The following NBAS variants were observed in gnomAD, a reference collection of about 807,000 sequenced individuals.
The protein encoded by NBAS is NAG/BC035112 fusion.
A neutral mutation model predicts 302.5 loss-of-function variants in NBAS; 219 were observed. That is an observed-to-expected ratio of 0.72 (90% CI 0.65 to 0.81). The LOEUF (loss-of-function observed/expected upper bound fraction) is 0.81, where lower values mean the gene tolerates loss of function less well. Ranked by LOEUF, NBAS falls within the 30% of genes least tolerant of loss-of-function variation. The pLI is 0.00. For synonymous variants in NBAS, 1,118 were observed against 1,021.6 expected (o/e 1.09, Z -1.80); for missense variants, 2,932 against 2,841.6 (o/e 1.03, Z -0.72).
rs545778141 is a variant in NBAS at position 15,425,779 on chromosome 2, C to T, written c.2424-1311G>A. Among the ~76,000 whole-genome samples, 6 of 152,304 alleles carry T rather than the reference C, an allele frequency of 3.9e-5. No homozygotes were observed. In the South Asian group the frequency reaches 8.3e-4, roughly 21 times the overall value. ...TGCAAGAAAAAGGGGCCAACAGTAA[C>T]GCTGAGTTCCTCTGATACCTCCTTC... On this transcript the variant is annotated intron_variant, in intron 22 of 51. Coordinates refer to ENST00000281513, the MANE Select transcript of NBAS (RefSeq NM_015909.4).
At chr2:15,403,367 G>A (rs978726065) in intron 25 of NBAS, among the ~76,000 whole-genome samples, 2 of 152,120 alleles carry the variant, frequency 1.3e-5, no homozygotes, top group Admixed American at 6.5e-5. Context: ...GGTAGAGTTG[G>A]CCCTCCATAC....
At chr2:15,338,589 T>C (rs982851310) in intron 35 of NBAS, among the ~76,000 whole-genome samples, 1 of 152,092 alleles carries the variant, frequency 6.6e-6, no homozygotes, top group African/African-American at 2.4e-5. Context: ...CATGGACTCC[T>C]GTACATGTCT....
intron 21 of NBAS, among the ~76,000 whole-genome samples, chr2:15,459,445 C>T (rs1679401037): frequency 6.6e-6 from 1 of 151,788 alleles, no homozygotes; most frequent in Non-Finnish European, 1.5e-5. Context: ...TACATTATCC[C>T]TCACTATACA....
At chr2:15,531,360 A>C (rs955901682) in intron 9 of NBAS, among the ~76,000 whole-genome samples, 8 of 152,118 alleles carry the variant, frequency 5.3e-5, no homozygotes, top group Non-Finnish European at 8.8e-5. Context: ...GAAAGTTCTG[A>C]GATCTCCATC....
At chr2:14,985,189 G>T in the NBAS span, among the ~76,000 whole-genome samples, 38 of 152,254 alleles carry the variant, frequency 2.5e-4, no homozygotes, top group African/African-American at 8.9e-4. Context: ...CACAGGGAAC[G>T]CCAGCAACAG....
intron 50 of NBAS, among the ~76,000 whole-genome samples, chr2:15,182,323 T>G (rs1051471387): frequency 1.4e-4 from 21 of 152,232 alleles, no homozygotes; most frequent in African/African-American, 5.1e-4. Context: ...CCTCAAATCC[T>G]TTGAGAAAGG....
At chr2:14,981,917 C>T in the NBAS span, among the ~76,000 whole-genome samples, 1 of 152,176 alleles carries the variant, frequency 6.6e-6, no homozygotes, top group African/African-American at 2.4e-5. Flanking sequence ...TCTTCCCTCC[C>T]TCTGTCCACA....
intron 8 of NBAS, among the ~76,000 whole-genome samples, chr2:15,535,363 T>C (rs1040285964): frequency 3.3e-5 from 5 of 151,684 alleles, no homozygotes; most frequent in African/African-American, 9.7e-5. Context: ...CTACTTAAAA[T>C]ACAAAAAAAT....
rs552707110 is a variant in NBAS at position 15,318,408 on chromosome 2, A to C, written c.4583-9161T>G. Reference sequence around the variant, plus strand: ...TTCACACATTAACAATATTAACCTAAATATAAATGGGCTAAATACCCCAAT... The same window carrying C: ...TTCACACATTAACAATATTAACCTACATATAAATGGGCTAAATACCCCAAT... On this transcript the variant is annotated intron_variant, in intron 38 of 51. Transcript: ENST00000281513. 4.6e-5 allele frequency among the ~76,000 whole-genome samples: 7 copies of C among 152,336 alleles called. No homozygotes were observed. The South Asian group carries it at 1.5e-3, about 32-fold the overall frequency.
chr2:15,490,485 T>A (rs1037691232), intron 11 of NBAS, among the ~76,000 whole-genome samples: 1 of 152,178 alleles, frequency 6.6e-6, no homozygotes, highest in African/African-American at 2.4e-5. Flanking sequence ...ATCACATCCC[T>A]TCCTCTAAGA....
At chr2:14,976,064 GAAAGAAT>G in the NBAS span, among the ~76,000 whole-genome samples, 1 of 152,186 alleles carries the variant, frequency 6.6e-6, no homozygotes, top group African/African-American at 2.4e-5. Flanking sequence ...TATGATCCTT[GAAAGAAT>G]ACGGAGTGGA....
intron 36 of NBAS, among the ~76,000 whole-genome samples, chr2:15,329,122 T>C (rs1403821093): frequency 1.3e-5 from 2 of 152,170 alleles, no homozygotes; most frequent in Non-Finnish European, 1.5e-5. Context: ...TCCAAATAGA[T>C]TGTAAAGCTC....
At chr2:15,308,870 G>C (rs1671149256) in intron 39 of NBAS, among the ~76,000 whole-genome samples, 1 of 152,128 alleles carries the variant, frequency 6.6e-6, no homozygotes, top group South Asian at 2.1e-4. Context: ...TTAGCATGAA[G>C]GGTTGTTGAA....
the NBAS span, among the ~76,000 whole-genome samples, chr2:14,916,636 T>C: frequency 1.3e-5 from 2 of 152,228 alleles, no homozygotes; most frequent in South Asian, 2.1e-4. Flanking sequence ...TTTTTCTCAC[T>C]GTAACTACTG....
chr2:14,806,265 A>G, the NBAS span, among the ~76,000 whole-genome samples: 365 of 152,276 alleles, frequency 2.4e-3, no homozygotes, highest in African/African-American at 8.0e-3. Flanking sequence ...TGACTCCCTC[A>G]GTCATGAAGT....
intron 31 of NBAS, among the ~76,000 whole-genome samples, chr2:15,367,690 T>C (rs1572729345): frequency 2.0e-5 from 3 of 152,250 alleles, no homozygotes; most frequent in Non-Finnish European, 1.5e-5. Context: ...TCCATATATC[T>C]TGTGTTCTCT....
rs79808437 is a variant in NBAS at position 15,288,071 on chromosome 2, A to C, written c.5028-888T>G. On this transcript the variant is annotated intron_variant, in intron 41 of 51. Coordinates refer to ENST00000281513, the MANE Select transcript of NBAS (RefSeq NM_015909.4). ...CAAGAACTGTCCAGTCAGAACGTCA[A>C]CAGTGCTGCGGTTGAAAAGATATGA... Among the ~76,000 whole-genome samples, 69 of 152,362 alleles carry C rather than the reference A, an allele frequency of 4.5e-4. 1 individual carries two copies. In the East Asian group the frequency reaches 0.012, roughly 26 times the overall value.
chr2:15,296,963 A>G (rs1436627884), intron 40 of NBAS, among the ~76,000 whole-genome samples: 1 of 152,218 alleles, frequency 6.6e-6, no homozygotes, highest in Non-Finnish European at 1.5e-5. Context: ...CAAATTATCT[A>G]TTCCTCTGTG....
At chr2:15,473,844 A>G (rs1163520944) in intron 15 of NBAS, among the ~76,000 whole-genome samples, 4 of 152,246 alleles carry the variant, frequency 2.6e-5, no homozygotes, top group Admixed American at 6.5e-5. Context: ...CAAGTGGATA[A>G]TCAGTCTAAG....
Sources: allele counts gnomAD v4.1 joint callset (sites outside exome capture counted in the v4.1 genomes callset), GRCh38; gene constraint gnomAD v4.1.1; transcripts MANE v1.5; gene names NCBI Gene and HGNC (gene_info 2026-07-23, HGNC 2026-07-21).